WDR7: variants seen among roughly 807,000 people sequenced by gnomAD.
WDR7 encodes WD repeat-containing protein 7.
A neutral mutation model predicts 169.4 loss-of-function variants in WDR7; 46 were observed. The observed-to-expected ratio is 0.27, with a 90% confidence interval of 0.21 to 0.35. The LOEUF (loss-of-function observed/expected upper bound fraction) is 0.35, where lower values mean the gene tolerates loss of function less well. WDR7 is among the 10% of genes least tolerant of loss of function. The pLI, the probability that WDR7 is intolerant of heterozygous loss-of-function variation, is 1.00. For synonymous variants in WDR7, 612 were observed against 666.8 expected, an observed-to-expected ratio of 0.92 and a Z score of 1.27; for missense variants, 1,534 against 1,859.3, an observed-to-expected ratio of 0.83 and a Z score of 3.22.
At chr18:57,030,876 G>GT (rs1186747771), downstream of WDR7, 1 of 45,038 alleles carries the variant, frequency 2.2e-5, no homozygotes, top group African/African-American at 1.2e-4. Flanking sequence ...TCTTTTTGCT[G>GT]TTTAAAAAAA....
chr18:56,948,694 A>C (rs1430447424), intron 25 of WDR7, among the ~76,000 whole-genome samples: 2 of 152,220 alleles, frequency 1.3e-5, no homozygotes, highest in Non-Finnish European at 2.9e-5. Flanking sequence ...CTTCATTTTA[A>C]AAACAGGCAA....
chr18:56,729,891 A>G (rs1026585541), intron 13 of WDR7, among the ~76,000 whole-genome samples: 3 of 152,250 alleles, frequency 2.0e-5, no homozygotes, highest in African/African-American at 7.2e-5. Flanking sequence ...CTGTACGGTA[A>G]GATATAAATA....
rs2045742597 is a variant in WDR7 at position 56,857,620 on chromosome 18, ATG to A, written c.3305-22322_3305-22321del. The stretch of plus-strand genomic sequence containing the variant: ...ATATACACATATATATTTTGCCAGC[ATG>A]TAGTCTTATATACACACTCAGATAC... On this transcript the variant is annotated intron_variant, in intron 20 of 27. Transcript: ENST00000254442. Among the ~76,000 whole-genome samples the A allele has an allele frequency of 2.0e-5, 3 of 152,276 alleles. No homozygotes were observed. The East Asian group carries it at 5.8e-4, about 29-fold the overall frequency.
chr18:56,951,531 T>G (rs370885758), intron 25 of WDR7, among the ~76,000 whole-genome samples: 105 of 152,280 alleles, frequency 6.9e-4, no homozygotes, highest in African/African-American at 2.5e-3. Context: ...AGCATTTGTG[T>G]TTAGCTTGCT....
intron 18 of WDR7, 27 bp from the exon 19 acceptor site, chr18:56,781,506 C>CT: frequency 2.6e-6 from 4 of 1,551,594 alleles, no homozygotes; most frequent in Non-Finnish European, 3.5e-6. Flanking sequence ...CTGCTTTCTG[C>CT]TTTTACATTT....
At chr18:56,967,911 G>A (rs2047433462) in intron 26 of WDR7, among the ~76,000 whole-genome samples, 2 of 152,062 alleles carry the variant, frequency 1.3e-5, no homozygotes, top group South Asian at 4.1e-4. Context: ...TATTGGTTAG[G>A]GAATAATGAC....
chr18:56,712,136 ATTAT>A (rs1383536729), intron 12 of WDR7, among the ~76,000 whole-genome samples: 1 of 152,252 alleles, frequency 6.6e-6, no homozygotes, highest in Non-Finnish European at 1.5e-5. Context: ...AAAAATATCT[ATTAT>A]TTACACTGGG....
rs2026162026 is a variant in WDR7 at position 56,715,000 on chromosome 18, TAG to T, written c.1579-2961_1579-2960del. On this transcript the variant is annotated intron_variant, in intron 12 of 27. Coordinates refer to ENST00000254442, the MANE Select transcript of WDR7 (RefSeq NM_015285.3). ...TTTTTACTACATGAGAGTAATAATG[TAG>T]AGTTTTTAAGTCTTATGAAGATAGA... Among the ~76,000 whole-genome samples, 2 of 152,170 alleles carry T rather than the reference TAG, an allele frequency of 1.3e-5. 1 individual carries two copies. The highest frequency in any genetic ancestry group is 4.1e-4 in the South Asian group (2 of 4,836).
intron 20 of WDR7, among the ~76,000 whole-genome samples, chr18:56,827,186 C>T (rs1184433493): frequency 6.6e-6 from 1 of 152,140 alleles, no homozygotes; most frequent in Non-Finnish European, 1.5e-5. Context: ...CCAGAGCAGA[C>T]AGACTGTAAG....
chr18:56,854,945 A>G (rs1234585623), intron 20 of WDR7, among the ~76,000 whole-genome samples: 1 of 152,172 alleles, frequency 6.6e-6, no homozygotes, highest in East Asian at 1.9e-4. Context: ...ATGAGCCAGG[A>G]ACTATGGACA....
At chr18:57,024,544 G>A (rs896301421) in intron 27 of WDR7, among the ~76,000 whole-genome samples, 1 of 138,078 alleles carries the variant, frequency 7.2e-6, no homozygotes, top group African/African-American at 3.1e-5. Context: ...GACAGGAATA[G>A]GGATATGTGA....
intron 2 of WDR7, among the ~76,000 whole-genome samples, chr18:56,678,085 T>G (rs2144553842): frequency 6.6e-6 from 1 of 152,370 alleles, no homozygotes; most frequent in African/African-American, 2.4e-5. Context: ...AATTGCATTT[T>G]CAGCTTCAGA....
chr18:56,927,666 T>A (rs2046826008), intron 22 of WDR7, among the ~76,000 whole-genome samples: 1 of 152,152 alleles, frequency 6.6e-6, no homozygotes, highest in Non-Finnish European at 1.5e-5. Flanking sequence ...TTTAGAAACA[T>A]GATATGCAAC....
intron 21 of WDR7, among the ~76,000 whole-genome samples, chr18:56,886,600 T>G (rs1048157467): frequency 6.6e-6 from 1 of 152,110 alleles, no homozygotes; most frequent in Non-Finnish European, 1.5e-5. Context: ...AATAGCACAA[T>G]GAATAGAATA....
intron 7 of WDR7, among the ~76,000 whole-genome samples, chr18:56,688,073 T>G (rs1168187675): frequency 6.6e-6 from 1 of 152,200 alleles, no homozygotes; most frequent in Non-Finnish European, 1.5e-5. Flanking sequence ...TTCCCCATTT[T>G]GCAGATGAGG....
chr18:56,963,003 C>A (rs2047358281), intron 26 of WDR7, among the ~76,000 whole-genome samples: 1 of 152,092 alleles, frequency 6.6e-6, no homozygotes, highest in Admixed American at 6.6e-5. Context: ...AAAGGAAATA[C>A]ATGCTGTACT....
At chr18:56,800,470 T>C (rs2044653819) in intron 19 of WDR7, among the ~76,000 whole-genome samples, 1 of 152,200 alleles carries the variant, frequency 6.6e-6, no homozygotes. Flanking sequence ...ATATCTTATA[T>C]ATAAATACAT....
At chr18:56,951,850 G>T (rs1239170877) in intron 25 of WDR7, among the ~76,000 whole-genome samples, 1 of 151,942 alleles carries the variant, frequency 6.6e-6, no homozygotes, top group Non-Finnish European at 1.5e-5. Flanking sequence ...AAAAATTATT[G>T]AAGAGCCCAA....
At chr18:56,678,693 T>C (rs1320636766) in intron 2 of WDR7, among the ~76,000 whole-genome samples, 2 of 152,108 alleles carry the variant, frequency 1.3e-5, no homozygotes, top group East Asian at 1.9e-4. Flanking sequence ...GATGGGGTTT[T>C]ACCACATTGG....
Sources: allele counts gnomAD v4.1 joint callset (sites outside exome capture counted in the v4.1 genomes callset), GRCh38; gene constraint gnomAD v4.1.1; transcripts MANE v1.5; gene names NCBI Gene and HGNC (gene_info 2026-07-23, HGNC 2026-07-21).